DMXL2: variants seen among roughly 807,000 people sequenced by gnomAD.
The protein encoded by DMXL2 is Dmx like 2, also known as dmX-like protein 2.
In DMXL2, 103 loss-of-function variants were observed where a neutral mutation model predicts 331.1. That is an observed-to-expected ratio of 0.31 (90% CI 0.27 to 0.37). The LOEUF (loss-of-function observed/expected upper bound fraction) is 0.37. Among genes scored for constraint, DMXL2 ranks in the 10% least tolerant of loss-of-function variants. DMXL2 has a pLI of 1.00. For synonymous variants in DMXL2, 1,281 were observed against 1,252.1 expected, an observed-to-expected ratio of 1.02 and a Z score of -0.49; for missense variants, 3,171 against 3,642.9, an observed-to-expected ratio of 0.87 and a Z score of 3.33.
At chr15:51,485,738 A>G (rs555562644) in intron 23 of DMXL2, among the ~76,000 whole-genome samples, 2 of 152,228 alleles carry the variant, frequency 1.3e-5, no homozygotes, top group Non-Finnish European at 2.9e-5. Context: ...AGGAAAAAAG[A>G]AAATTTACCA....
chr15:51,539,863 G>A (rs1396891004), intron 9 of DMXL2, among the ~76,000 whole-genome samples: 4 of 152,140 alleles, frequency 2.6e-5, no homozygotes, highest in Non-Finnish European at 5.9e-5. Flanking sequence ...TCATTCAACA[G>A]AAGGAAAAAT....
At chr15:51,595,838 A>C (rs1204972247) in intron 1 of DMXL2, among the ~76,000 whole-genome samples, 3 of 152,244 alleles carry the variant, frequency 2.0e-5, no homozygotes, top group Non-Finnish European at 4.4e-5. Flanking sequence ...CTTATTTAAT[A>C]AATGGTGCTG....
chr15:51,503,771 CATG>C (rs1488615898), intron 16 of DMXL2, among the ~76,000 whole-genome samples: 7 of 151,980 alleles, frequency 4.6e-5, no homozygotes, highest in African/African-American at 1.2e-4. Flanking sequence ...TCCTAAATAC[CATG>C]ATATGATCAT....
Position 51,481,544 on chromosome 15 carries a change from A to C in DMXL2, c.5562T>G (p.Asn1854Lys). 6.2e-7 allele frequency: 1 copy of C among 1,611,110 alleles called. No individual in the cohort carries two copies. The highest frequency in any genetic ancestry group is 8.5e-7 in the Non-Finnish European group (1 of 1,179,286). Residue 1854 changes from asparagine (N) to lysine (K), a missense_variant, in exon 24 of 44, where the codon AAT (asparagine) becomes AAG (lysine). This residue lies in a region of DMXL2 where 244 missense variants were observed against 251.4 expected (regional missense o/e 0.97). Coordinates refer to ENST00000560891, the MANE Select transcript of DMXL2 (RefSeq NM_001378457.1). ...LRTHPLLIRR[N>K]LASPEGTLAT... ...CCAAAGTTCCTTCAGGGGAGGCAAG[A>C]TTTCTTCGAATGAGCAAAGGATGAG...
intron 38 of DMXL2, 36 bp from the exon 39 acceptor site, chr15:51,456,229 TAA>T (rs761136653): frequency 1.2e-6 from 2 of 1,604,440 alleles, no homozygotes; most frequent in African/African-American, 1.3e-5. Flanking sequence ...AATAAGAAAT[TAA>T]AGAGTTCCAA....
rs1448445472 is a variant in DMXL2 at position 51,459,669 on chromosome 15, C to T, written c.7927-9G>A. The T allele has an allele frequency of 1.6e-6, 2 of 1,289,336 alleles. No individual in the cohort carries two copies. Among genetic ancestry groups the T allele is most frequent in the African/African-American group, 3.0e-5 (2 of 65,824 alleles). 79.9% of individuals were successfully genotyped at this position (1,289,336 alleles called of 1,614,324 possible). A position where few individuals can be genotyped will look rare whatever the true frequency, so the allele number is the denominator to read the frequency against. ...ACATGTTCTTCTATAGACTAAATAC[C>T]ACCACACCGTCACAAACACAAAACA... is the stretch of plus-strand genomic sequence containing the variant. On this transcript the variant is annotated splice_polypyrimidine_tract_variant and intron_variant, in intron 33 of 43. Coordinates refer to ENST00000560891, the MANE Select transcript of DMXL2 (RefSeq NM_001378457.1).
chr15:51,548,597 A>G (rs2049023334), intron 6 of DMXL2, among the ~76,000 whole-genome samples: 1 of 152,002 alleles, frequency 6.6e-6, no homozygotes, highest in African/African-American at 2.4e-5. Flanking sequence ...GGTACCCGAG[A>G]GCCCCTCAAA....
intron 26 of DMXL2, among the ~76,000 whole-genome samples, chr15:51,476,953 T>C (rs963795094): frequency 6.6e-6 from 1 of 152,132 alleles, no homozygotes; most frequent in Non-Finnish European, 1.5e-5. Flanking sequence ...CTTATTCCTT[T>C]AGAATTTTTT....
At chr15:51,574,328 T>C (rs1231433115) in intron 2 of DMXL2, among the ~76,000 whole-genome samples, 2 of 152,194 alleles carry the variant, frequency 1.3e-5, no homozygotes, top group Admixed American at 6.5e-5. Flanking sequence ...CTCCTCTTGG[T>C]AAGATGGAAT....
At chr15:51,615,805 T>A (rs1182606650) in intron 1 of DMXL2, among the ~76,000 whole-genome samples, 1 of 152,164 alleles carries the variant, frequency 6.6e-6, no homozygotes, top group Non-Finnish European at 1.5e-5. Context: ...AAAACCAAAA[T>A]CATTACTCCT....
chr15:51,579,893 A>G (rs1595597301), intron 1 of DMXL2, among the ~76,000 whole-genome samples: 1 of 152,294 alleles, frequency 6.6e-6, no homozygotes, highest in Non-Finnish European at 1.5e-5. Flanking sequence ...AAAAATTATC[A>G]TTATCTTCAC....
intron 23 of DMXL2, among the ~76,000 whole-genome samples, chr15:51,485,011 C>G (rs1355967576): frequency 4.1e-5 from 4 of 96,602 alleles, no homozygotes; most frequent in Non-Finnish European, 8.3e-5. Context: ...GAAAACAGGT[C>G]TTTTGAAATA....
rs2043456849 is a variant in DMXL2 at position 51,499,839 on chromosome 15, C to T, written c.3385G>A (p.Val1129Ile). The T allele has an allele frequency of 1.2e-6, 2 of 1,614,152 alleles. No homozygotes were observed. Among genetic ancestry groups the T allele is most frequent in the Non-Finnish European group, 1.7e-6 (2 of 1,180,016 alleles). ...GAATCAAGTACACTCCCAACCTTAA[C>T]CAAATCATCAAGATGAATTGTTTGT... ...LEQTIHLDDL[V>I]KVGSVLDSRV... is the part of the protein sequence containing the mutation. The change falls in exon 18 of 44, where the codon GTT becomes ATT. Residue 1129 changes from valine to isoleucine, a missense_variant. Val to Ile is a conservative substitution (Grantham distance 29, BLOSUM62 3). Transcript: ENST00000560891.
At position 51,594,579 on chromosome 15, in the gene DMXL2, C is replaced by T. The variant is rs1379515311; in HGVS notation, c.88-18398G>A. 5.3e-5 allele frequency among the ~76,000 whole-genome samples: 8 copies of T among 152,248 alleles called. No homozygotes were observed. The East Asian group carries it at 1.2e-3, about 22-fold the overall frequency. Reference sequence around the variant, plus strand: ...ACTCATTTTATGAGGCCAGCATCATCCTGATACCAAAGCCTGGCAGAGACA... The same window carrying T: ...ACTCATTTTATGAGGCCAGCATCATTCTGATACCAAAGCCTGGCAGAGACA... On this transcript the variant is annotated intron_variant, in intron 1 of 43. Transcript: ENST00000560891.
intron 1 of DMXL2, among the ~76,000 whole-genome samples, chr15:51,610,014 T>C (rs2053853889): frequency 6.6e-6 from 1 of 152,184 alleles, no homozygotes; most frequent in African/African-American, 2.4e-5. Flanking sequence ...AGCAATATAT[T>C]GAATGCATCT....
chr15:51,547,188 T>C (rs778646251), intron 7 of DMXL2, 42 bp downstream of exon 7: 2 of 1,499,572 alleles, frequency 1.3e-6, no homozygotes, highest in South Asian at 1.3e-5. Context: ...TTTATAAACA[T>C]TTAAGGATGC....
intron 13 of DMXL2, among the ~76,000 whole-genome samples, chr15:51,524,242 T>C (rs1480894695): frequency 6.6e-6 from 1 of 152,160 alleles, no homozygotes; most frequent in African/African-American, 2.4e-5. Context: ...TCAAAGGAAA[T>C]CAAAACATAT....
intron 1 of DMXL2, 134 bp downstream of exon 1, chr15:51,622,325 G>T: frequency 8.4e-7 from 1 of 1,190,426 alleles, no homozygotes; most frequent in Non-Finnish European, 1.2e-6. Context: ...AAACCCCAAG[G>T]CTGCAAAGGG....
Position 51,547,292 on chromosome 15 carries a change from G to A in DMXL2, c.684C>T (p.Tyr228=), listed in dbSNP as rs778739856. 6.2e-7 allele frequency: 1 copy of A among 1,613,024 alleles called. No homozygotes were observed. The highest frequency in any genetic ancestry group is 8.5e-7 in the Non-Finnish European group (1 of 1,179,388). The change falls in exon 7 of 44, where the codon TAC becomes TAT. Residue 228 remains tyrosine (Y), a synonymous_variant. Transcript: ENST00000560891. ...RQSSTQFSFV[Y]LAHPRAVTGF... The stretch of plus-strand genomic sequence containing the variant: ...CTGTCACAGCTCGGGGATGTGCCAA[G>A]TAAACAAAAGAAAATTGAGTAGAGG...
Sources: gnomAD v4.1 joint callset for allele counts (sites outside exome capture counted in the v4.1 genomes callset) on GRCh38, gnomAD v4.1.1 for gene constraint, gnomAD v4.1.1 regional missense constraint, MANE v1.5 for transcripts, NCBI Gene and HGNC (gene_info 2026-07-23, HGNC 2026-07-21) for gene names.